The following PLCH1 variants were observed in gnomAD, a reference collection of about 807,000 sequenced individuals.
PLCH1 encodes phospholipase C eta 1, also known as 1-phosphatidylinositol 4,5-bisphosphate phosphodiesterase eta-1.
PLCH1 carries 60 observed loss-of-function variants against 126.7 expected under a neutral mutation model. The ratio of observed to expected loss-of-function variants is 0.47; its 90% CI spans 0.38 to 0.59. The LOEUF (loss-of-function observed/expected upper bound fraction) is 0.59, where lower values mean the gene tolerates loss of function less well. Among genes scored for constraint, PLCH1 ranks in the 20% least tolerant of loss-of-function variants. PLCH1 has a pLI of 0.00. For synonymous variants in PLCH1, 719 were observed against 734.9 expected (o/e 0.98, Z 0.35); for missense variants, 1,723 against 2,040.0 (o/e 0.84, Z 2.99).
chr3:155,632,591 C>A (rs915812578), intron 2 of PLCH1, among the ~76,000 whole-genome samples: 6 of 152,250 alleles, frequency 3.9e-5, no homozygotes, highest in Admixed American at 2.0e-4. Context: ...AATGTAGGCA[C>A]TTTAAAATGA....
At chr3:155,560,817 T>C (rs974593400) in intron 8 of PLCH1, among the ~76,000 whole-genome samples, 1 of 152,150 alleles carries the variant, frequency 6.6e-6, no homozygotes, top group Admixed American at 6.6e-5. Context: ...CTGTGACTCA[T>C]GGCATCTCCA....
chr3:155,644,318 A>G (rs1273850634), intron 2 of PLCH1, among the ~76,000 whole-genome samples: 1 of 152,072 alleles, frequency 6.6e-6, no homozygotes, highest in Non-Finnish European at 1.5e-5. Flanking sequence ...TACTGATTCC[A>G]GAGGCCGAGT....
At chr3:155,493,458 G>A (rs1037436346) in intron 17 of PLCH1, among the ~76,000 whole-genome samples, 2 of 152,062 alleles carry the variant, frequency 1.3e-5, no homozygotes, top group African/African-American at 4.8e-5. Context: ...TGTGATCTTG[G>A]CTCACTGCAA....
chr3:155,718,046 T>C (rs573754949), intron 1 of PLCH1, among the ~76,000 whole-genome samples: 39 of 152,300 alleles, frequency 2.6e-4, no homozygotes, highest in Admixed American at 1.1e-3. Context: ...ACTTGAACAA[T>C]ACTGCCCAGA....
intron 10 of PLCH1, among the ~76,000 whole-genome samples, chr3:155,530,894 C>A (rs1241422906): frequency 6.6e-6 from 1 of 152,136 alleles, no homozygotes; most frequent in Non-Finnish European, 1.5e-5. Context: ...CATAGAACAA[C>A]GAGCTACAGA....
rs1435452121 is a variant in PLCH1 at position 155,482,667 on chromosome 3, A to G, written c.3359T>C (p.Leu1120Pro). ...CTTAATTTCTAGGTTGCTATGAGAA[A>G]GGACGCTTCCTGACAAGATGCTTTT... ...EGKSILSGSV[L>P]SHSNLEIKNL... The change falls in exon 23 of 23, where the codon CTT becomes CCT. Residue 1120 changes from leucine to proline, a missense_variant. Physicochemically the swap from Leu to Pro is moderately conservative, Grantham distance 98. Coordinates refer to ENST00000460012, the MANE Select transcript of PLCH1 (RefSeq NM_014996.4). 1.2e-6 allele frequency: 2 copies of G among 1,614,068 alleles called. No individual in the cohort carries two copies. The highest frequency in any genetic ancestry group is 3.3e-5 in the Admixed American group (2 of 60,000).
At chr3:155,676,427 T>C (rs1744094443) in intron 2 of PLCH1, 2 of 992,786 alleles carry the variant, frequency 2.0e-6, no homozygotes, top group Non-Finnish European at 2.4e-6. Context: ...GCACATTTAA[T>C]GTCTGGGAAG....
At chr3:155,483,432 T>C (rs1714507679) in intron 22 of PLCH1, 4 of 1,248,368 alleles carry the variant, frequency 3.2e-6, no homozygotes, top group South Asian at 3.0e-5. Context: ...AAACAAAGCA[T>C]TGTGGTACCT....
intron 2 of PLCH1, among the ~76,000 whole-genome samples, chr3:155,616,286 T>G (rs949704807): frequency 6.6e-6 from 1 of 152,188 alleles, no homozygotes; most frequent in African/African-American, 2.4e-5. Flanking sequence ...TGTTTTAAGA[T>G]AGAAAAGAAT....
At chr3:155,595,977 AATAT>A (rs10587508) in intron 3 of PLCH1, among the ~76,000 whole-genome samples, 9 of 149,850 alleles carry the variant, frequency 6.0e-5, no homozygotes, top group African/African-American at 4.9e-5. Flanking sequence ...ATTCCAACTA[AATAT>A]ATATATATAT....
intron 1 of PLCH1, among the ~76,000 whole-genome samples, chr3:155,738,849 G>A (rs1559975190): frequency 2.0e-5 from 3 of 151,946 alleles, no homozygotes; most frequent in Non-Finnish European, 4.4e-5. Context: ...TACTCAGGAG[G>A]CTGAGGGGCA....
chr3:155,508,493 G>T (rs1471195199), intron 12 of PLCH1, among the ~76,000 whole-genome samples: 1 of 95,352 alleles, frequency 1.0e-5, no homozygotes, highest in Non-Finnish European at 2.0e-5. Flanking sequence ...CTGTGGGTTT[G>T]TCATAGATAG....
chr3:155,546,533 A>C (rs1290316779), intron 10 of PLCH1, among the ~76,000 whole-genome samples: 3 of 152,208 alleles, frequency 2.0e-5, no homozygotes, highest in Non-Finnish European at 2.9e-5. Flanking sequence ...AATTGGAAAA[A>C]ACTACTTTAA....
intron 21 of PLCH1, 63 bp from the exon 22 acceptor site, chr3:155,485,773 GA>G: frequency 1.0e-6 from 1 of 961,448 alleles, no homozygotes; most frequent in Non-Finnish European, 1.6e-6. Flanking sequence ...AACTTGCCTT[GA>G]AAATGACAGC....
intron 6 of PLCH1, among the ~76,000 whole-genome samples, chr3:155,573,181 C>T (rs951544285): frequency 1.1e-4 from 17 of 151,824 alleles, no homozygotes; most frequent in Admixed American, 3.3e-4. Flanking sequence ...TATTTATTTG[C>T]TTTAGTAGTC....
At chr3:155,564,297 G>A (rs1728021211) in intron 8 of PLCH1, among the ~76,000 whole-genome samples, 1 of 152,170 alleles carries the variant, frequency 6.6e-6, no homozygotes, top group Admixed American at 6.5e-5. Context: ...AGGCGCGGGG[G>A]CTCACACCTG....
In PLCH1 at chr3:155,568,202, T is replaced by G; in HGVS notation, c.865+29A>C. ...TAACTTAACAGGCTGAATCAAGAAATGAGAAATAAAGAATATTGGTTATTT... is the reference window on the plus strand; with the variant it reads ...TAACTTAACAGGCTGAATCAAGAAAGGAGAAATAAAGAATATTGGTTATTT... On this transcript the variant is annotated intron_variant, in intron 7 of 22. Transcript: ENST00000460012. 3 of 982,892 alleles carry G rather than the reference T, an allele frequency of 3.1e-6. No individual in the cohort carries two copies. In the East Asian group the frequency reaches 7.2e-5, roughly 24 times the overall value. The allele number at this position is 982,892 out of a possible 1,614,324, so 60.9% of individuals were successfully genotyped here.
In PLCH1 at chr3:155,482,316, C is replaced by T. The variant is rs527898005; in HGVS notation, c.3710G>A (p.Gly1237Glu). ...KMPIKHGFCK[G>E]KSKSSFLCSS... ...GCACAGGAAGGAAGACTTGGATTTT[C>T]CCTTGCAAAAACCATGCTTGATGGG... Residue 1237 changes from glycine to glutamate, a missense_variant, in exon 23 of 23, where the codon GGA becomes GAA. This residue lies in a region of PLCH1 where 947 missense variants were observed against 977.1 expected (regional missense o/e 0.97). Coordinates refer to ENST00000460012, the MANE Select transcript of PLCH1 (RefSeq NM_014996.4). 420 of 1,614,138 alleles carry T rather than the reference C, an allele frequency of 2.6e-4. 2 individuals are homozygous for T. The South Asian group carries it at 4.4e-3, about 17-fold the overall frequency.
At chr3:155,626,346 T>A (rs767822141) in intron 2 of PLCH1, among the ~76,000 whole-genome samples, 9 of 152,114 alleles carry the variant, frequency 5.9e-5, no homozygotes, top group Non-Finnish European at 1.2e-4. Flanking sequence ...TCAATTTCAA[T>A]CACTATAGTC....
Sources: allele counts gnomAD v4.1 joint callset (sites outside exome capture counted in the v4.1 genomes callset), GRCh38; gene constraint gnomAD v4.1.1; regional missense constraint gnomAD v4.1.1; transcripts MANE v1.5; gene names NCBI Gene and HGNC (gene_info 2026-07-23, HGNC 2026-07-21).